The following FANCD2 variants were observed in gnomAD, a reference collection of about 807,000 sequenced individuals.
FANCD2 encodes FA complementation group D2.
In FANCD2, 131 loss-of-function variants were observed where a neutral mutation model predicts 192.3. The observed-to-expected ratio is 0.68, with a 90% CI of 0.59 to 0.79. The LOEUF is 0.79. FANCD2 is among the 30% of genes least tolerant of loss of function. The pLI is 0.00. For missense variants in FANCD2, 1,508 were observed against 1,701.6 expected (o/e 0.89, Z 2.00); for synonymous variants, 524 against 612.5 (o/e 0.86, Z 2.13).
intron 18 of FANCD2, among the ~76,000 whole-genome samples, chr3:10,054,428 T>C (rs537359920): frequency 3.9e-5 from 3 of 77,284 alleles, no homozygotes; most frequent in Admixed American, 1.4e-4. Context: ...CATATATACA[T>C]GTATATACAT....
chr3:10,064,401 G>A lies in FANCD2; in HGVS notation c.1993G>A (p.Val665Ile), dbSNP rs774405864. 28 of 1,613,662 alleles carry A rather than the reference G, an allele frequency of 1.7e-5. No homozygotes were observed. The highest frequency in any genetic ancestry group is 8.0e-5 in the African/African-American group (6 of 74,912). ...CTGTAATGATTTCCAGGATGCCTTC[G>A]TAGTGGACTCCTGTGTTGTTCCGGA... ...TICNDFQDAF[V>I]VDSCVVPEGD... Residue 665 changes from valine (V) to isoleucine (I), a missense_variant, in exon 22 of 44, where the codon GTA becomes ATA. By Grantham distance (29) the Val-to-Ile change is conservative. This residue lies in a region of FANCD2 where 59 missense variants were observed against 111.9 expected (regional missense o/e 0.53). Coordinates refer to ENST00000675286, the MANE Select transcript of FANCD2 (RefSeq NM_001018115.3).
chr3:10,080,632 T>C (rs1354063266), intron 30 of FANCD2, among the ~76,000 whole-genome samples: 2 of 152,124 alleles, frequency 1.3e-5, no homozygotes, highest in African/African-American at 4.8e-5. Context: ...CTAGCCATGT[T>C]TGTTGGCATG....
intron 42 of FANCD2, among the ~76,000 whole-genome samples, chr3:10,098,069 T>C (rs974890396): frequency 2.0e-5 from 3 of 152,142 alleles, no homozygotes; most frequent in Non-Finnish European, 4.4e-5. Flanking sequence ...TCAGATAGGG[T>C]AGTATAAGCC....
chr3:10,099,010 T>C, intron 43 of FANCD2, 195 bp downstream of exon 43: 1 of 1,613,430 alleles, frequency 6.2e-7, no homozygotes, highest in Non-Finnish European at 8.5e-7. Context: ...AATCTTAGAA[T>C]CACTCCTGAG....
intron 2 of FANCD2, among the ~76,000 whole-genome samples, chr3:10,029,302 C>T (rs1000453996): frequency 1.3e-5 from 2 of 152,128 alleles, no homozygotes; most frequent in African/African-American, 4.8e-5. Flanking sequence ...GAGTTCAAGA[C>T]CAGCCTGGGT....
intron 36 of FANCD2, among the ~76,000 whole-genome samples, chr3:10,089,214 G>A (rs1001509043): frequency 3.3e-5 from 5 of 152,008 alleles, no homozygotes; most frequent in African/African-American, 1.2e-4. Context: ...GAACCTGGGA[G>A]GCGGAGGTTG....
chr3:10,042,036 T>G (rs1468293433), intron 10 of FANCD2, among the ~76,000 whole-genome samples: 1 of 152,072 alleles, frequency 6.6e-6, no homozygotes, highest in Non-Finnish European at 1.5e-5. Flanking sequence ...TAGCTGGGGT[T>G]ACAGGCACCT....
rs186545410 is a variant in FANCD2 at position 10,040,344 on chromosome 3, T to G, written c.695+499T>G. ...AGCCACCGTGCCTGGCCCCATGTACTTTCTTTTAAATGGTATACCTGTTAT... is the reference window on the plus strand; with the variant it reads ...AGCCACCGTGCCTGGCCCCATGTACGTTCTTTTAAATGGTATACCTGTTAT... On this transcript the variant is annotated intron_variant, in intron 9 of 43. Coordinates refer to ENST00000675286, the MANE Select transcript of FANCD2 (RefSeq NM_001018115.3). The G allele has an allele frequency of 3.8e-3, 1,398 of 372,676 alleles. 7 individuals carry two copies. Among genetic ancestry groups the G allele is most frequent in the Non-Finnish European group, 6.2e-3 (1,176 of 190,392 alleles). 23.1% of individuals were successfully genotyped at this position (372,676 alleles called of 1,614,324 possible).
Position 10,039,758 on chromosome 3 carries a change from C to G in FANCD2, c.608C>G (p.Ala203Gly). The G allele has an allele frequency of 6.2e-7, 1 of 1,613,984 alleles. No homozygotes were observed. The part of the protein sequence containing the change: ...TTKIMQLISI[A>G]PENLQHDIIT... ...AAGATCATGCAGCTGATCAGTATTG[C>G]TCCAGAGAACCTGCAGCATGACATC... is the stretch of plus-strand genomic sequence containing the variant. The change falls in exon 9 of 44, where the codon GCT becomes GGT. Residue 203 changes from alanine (A) to glycine (G), a missense_variant. Physicochemically the swap from Ala to Gly is moderately conservative, Grantham distance 60 (BLOSUM62 0). This residue lies in a region of FANCD2 where 435 missense variants were observed against 421.9 expected (regional missense o/e 1.03). Coordinates refer to ENST00000675286, the MANE Select transcript of FANCD2 (RefSeq NM_001018115.3).
At chr3:10,026,648 A>G (rs1409403490) in intron 1 of FANCD2, 175 bp downstream of exon 1, 2 of 153,928 alleles carry the variant, frequency 1.3e-5, no homozygotes, top group Non-Finnish European at 2.9e-5. Flanking sequence ...CGTCATTAAA[A>G]TGCGGAAACG....
chr3:10,063,876 C>A lies in FANCD2; in HGVS notation c.1912C>A (p.Leu638Met). The change falls in exon 21 of 44, where the codon CTG becomes ATG. Residue 638 changes from leucine to methionine, a missense_variant. This residue lies in a region of FANCD2 where 59 missense variants were observed against 111.9 expected (regional missense o/e 0.53). Coordinates refer to ENST00000675286, the MANE Select transcript of FANCD2 (RefSeq NM_001018115.3). ...SALYYDEFANLIQHEKLDPKA... is the reference protein window; with the variant it reads ...SALYYDEFANMIQHEKLDPKA... Reference sequence around the variant, plus strand: ...ACTTTACTATGATGAATTTGCCAACCTGATCCAACATGAAAAGCTGGATCC... The same window carrying A: ...ACTTTACTATGATGAATTTGCCAACATGATCCAACATGAAAAGCTGGATCC... The A allele has an allele frequency of 6.2e-7, 1 of 1,614,250 alleles. No individual in the cohort carries two copies.
intron 17 of FANCD2, among the ~76,000 whole-genome samples, chr3:10,051,802 G>C (rs2087227992): frequency 6.6e-6 from 1 of 152,176 alleles, no homozygotes. Flanking sequence ...ATGAAAGGTA[G>C]TATAGCTATT....
At chr3:10,054,619 G>A (rs1348218299) in intron 18 of FANCD2, among the ~76,000 whole-genome samples, 4 of 146,952 alleles carry the variant, frequency 2.7e-5, no homozygotes, top group African/African-American at 1.0e-4. Context: ...AAGTAGCTGG[G>A]ACTACAGGCG....
At chr3:10,056,592 C>T (rs55766724) in intron 18 of FANCD2, among the ~76,000 whole-genome samples, 4,587 of 152,088 alleles carry the variant, frequency 0.03, 232 homozygotes, top group African/African-American at 0.11. Flanking sequence ...AGTGCAGTGG[C>T]GTGATCATAC....
At chr3:10,088,627 T>C in intron 35 of FANCD2, 85 bp downstream of exon 35, 1 of 1,136,662 alleles carries the variant, frequency 8.8e-7, no homozygotes, top group Non-Finnish European at 1.3e-6. Flanking sequence ...ACAAATGACC[T>C]TTTTAGTGGG....
At chr3:10,052,346 G>A (rs1466281040) in intron 17 of FANCD2, 41 bp from the exon 18 acceptor site, 1 of 1,261,972 alleles carries the variant, frequency 7.9e-7, no homozygotes, top group Non-Finnish European at 1.2e-6. Context: ...AGGGAAAAAT[G>A]TTAGCTGCTA....
rs1212641809 is a variant in FANCD2 at position 10,032,900 on chromosome 3, G to A, written c.133G>A (p.Asp45Asn). 2 of 1,607,152 alleles carry A rather than the reference G, an allele frequency of 1.2e-6. No individual in the cohort carries two copies. Among genetic ancestry groups the A allele is most frequent in the Non-Finnish European group, 1.7e-6 (2 of 1,174,000 alleles). The change falls in exon 3 of 44, where the codon GAC (aspartate) becomes AAC (asparagine). Residue 45 changes from aspartate to asparagine, a missense_variant. Transcript: ENST00000675286. ...SHIANEVEEN[D>N]SIFVKLLKIS... ...TATTGCTAATGAAGTTGAAGAAAAT[G>A]ACAGCATCTTTGTAAAGCTTCTTAA...
chr3:10,031,880 T>C lies in FANCD2; in HGVS notation c.65-952T>C, dbSNP rs2086611495. The stretch of plus-strand genomic sequence containing the variant: ...TTTTTCCTTTGAGACAGAGTGTCAC[T>C]CTGTTGCTCAGGCAGGAGTGAAGTG... On this transcript the variant is annotated intron_variant, in intron 2 of 43. Coordinates refer to ENST00000675286, the MANE Select transcript of FANCD2 (RefSeq NM_001018115.3). Among the ~76,000 whole-genome samples the C allele has an allele frequency of 2.6e-5, 4 of 152,278 alleles. No individual in the cohort carries two copies. The South Asian group carries it at 8.3e-4, about 32-fold the overall frequency.
At chr3:10,100,091 G>A (rs1341421965) in intron 43 of FANCD2, among the ~76,000 whole-genome samples, 1 of 152,060 alleles carries the variant, frequency 6.6e-6, no homozygotes, top group Non-Finnish European at 1.5e-5. Context: ...AGGAGGCTGA[G>A]GTGGGAGGGT....
Sources: gnomAD v4.1 joint callset for allele counts (sites outside exome capture counted in the v4.1 genomes callset) on GRCh38, gnomAD v4.1.1 for gene constraint, gnomAD v4.1.1 regional missense constraint, MANE v1.5 for transcripts, NCBI Gene and HGNC (gene_info 2026-07-23, HGNC 2026-07-21) for gene names.